Variants in MGAM2 observed in about 807,000 individuals in gnomAD.
MGAM2 encodes the protein maltase-glucoamylase 2 (putative).
A neutral mutation model predicts 96.1 loss-of-function variants in MGAM2; 98 were observed. The observed-to-expected ratio is 1.02, with a 90% confidence interval of 0.87 to 1.21. The LOEUF (loss-of-function observed/expected upper bound fraction) is 1.21, where lower values mean the gene tolerates loss of function less well. Among genes scored for constraint, MGAM2 ranks in the 50% most tolerant of loss-of-function variants. MGAM2 has a pLI of 0.00. For synonymous variants in MGAM2, 749 were observed against 414.8 expected, an observed-to-expected ratio of 1.81 and a Z score of -9.79; for missense variants, 2,055 against 1,182.4, an observed-to-expected ratio of 1.74 and a Z score of -10.82.
chr7:142,134,188 A>G lies in MGAM2; in HGVS notation c.747+36A>G, dbSNP rs1794989568. The G allele has an allele frequency of 5.7e-6, 4 of 706,216 alleles. No homozygotes were observed. The East Asian group carries it at 1.1e-4, about 19-fold the overall frequency. The allele number at this position is 706,216 out of a possible 1,614,324, so 43.7% of individuals were successfully genotyped here. On this transcript the variant is annotated intron_variant, in intron 7 of 47. Transcript: ENST00000477922. ...TTTCCTCCTGAGTATCGCCCACAGT[A>G]AGGGATACCCTCCTTCCTTTCCTAA...
chr7:142,181,935 T>A (rs1398117643), intron 32 of MGAM2, among the ~76,000 whole-genome samples: 1 of 152,142 alleles, frequency 6.6e-6, no homozygotes, highest in Non-Finnish European at 1.5e-5. Flanking sequence ...GACAAGCTAG[T>A]TTTGTCCCAA....
At chr7:142,180,254 A>G (rs1363742337) in intron 32 of MGAM2, among the ~76,000 whole-genome samples, 1 of 151,840 alleles carries the variant, frequency 6.6e-6, no homozygotes, top group Non-Finnish European at 1.5e-5. Flanking sequence ...TTTTTTCTCA[A>G]TCTAGCAGAT....
chr7:142,175,145 C>T (rs1796333261), intron 31 of MGAM2, among the ~76,000 whole-genome samples: 1 of 152,256 alleles, frequency 6.6e-6, no homozygotes, highest in South Asian at 2.1e-4. Context: ...AGCTTTTGCT[C>T]ATTCAGTATG....
At chr7:142,159,429 A>G (rs1247716563) in intron 20 of MGAM2, 86 bp downstream of exon 20, 7 of 681,064 alleles carry the variant, frequency 1.0e-5, no homozygotes, top group African/African-American at 3.5e-5. Flanking sequence ...CTTGCCATAG[A>G]ATAATAGTAC....
intron 1 of MGAM2, among the ~76,000 whole-genome samples, chr7:142,114,843 T>G (rs983233594): frequency 1.3e-5 from 2 of 152,144 alleles, no homozygotes; most frequent in Non-Finnish European, 2.9e-5. Context: ...CATTATTTTT[T>G]GGGTGATATC....
intron 2 of MGAM2, 78 bp from the exon 3 acceptor site, chr7:142,120,224 C>A: frequency 2.9e-6 from 2 of 684,856 alleles, no homozygotes; most frequent in South Asian, 1.5e-5. Context: ...GGCCAAAAGT[C>A]TGTAACTTTG....
Position 142,196,589 on chromosome 7 carries a change from G to T in MGAM2, c.4505G>T (p.Gly1502Val). 1.4e-6 allele frequency: 1 copy of T among 723,496 alleles called. No homozygotes were observed. 44.8% of individuals were successfully genotyped at this position (723,496 alleles called of 1,614,324 possible). A position where few individuals can be genotyped will look rare whatever the true frequency, so the allele number is the denominator to read the frequency against. The change falls in exon 39 of 48, where the codon GGA becomes GTA. Residue 1502 changes from glycine to valine, a missense_variant. Transcript: ENST00000477922. ...IIGMMEFSLFGIPYTGADICG... is the reference protein window; with the variant it reads ...IIGMMEFSLFVIPYTGADICG... ...GGCATGATGGAGTTCAGTCTCTTTG[G>T]AATACCTTATGTAAGTCACATTCAG... is the stretch of plus-strand genomic sequence containing the variant.
At chr7:142,211,513 G>GA (rs1475066432) in intron 46 of MGAM2, among the ~76,000 whole-genome samples, 1 of 152,162 alleles carries the variant, frequency 6.6e-6, no homozygotes, top group Non-Finnish European at 1.5e-5. Flanking sequence ...TGATGGAGCT[G>GA]AAAAATATAG....
At position 142,118,679 on chromosome 7, in the gene MGAM2, T is replaced by G. The variant is rs546921722; in HGVS notation, c.107-1623T>G. ...GGGCCAATAATATCTTCCTGATATGTAGCCTGAGCCCTCTGGTGTCTTTAA... is the reference window on the plus strand; with the variant it reads ...GGGCCAATAATATCTTCCTGATATGGAGCCTGAGCCCTCTGGTGTCTTTAA... On this transcript the variant is annotated intron_variant, in intron 2 of 47. Coordinates refer to ENST00000477922, the MANE Select transcript of MGAM2 (RefSeq NM_001293626.2). Among the ~76,000 whole-genome samples the G allele has an allele frequency of 1.4e-4, 21 of 152,296 alleles. No homozygotes were observed. In the South Asian group the frequency reaches 4.1e-3, roughly 30 times the overall value.
chr7:142,187,665 G>A (rs1017979297), intron 35 of MGAM2, 85 bp from the exon 36 acceptor site: 6 of 649,046 alleles, frequency 9.2e-6, no homozygotes, highest in South Asian at 1.7e-5. Flanking sequence ...GGCTTCAAAA[G>A]TCATCTCCCT....
chr7:142,189,461 C>T lies in MGAM2; in HGVS notation c.4302C>T (p.Asn1434=), dbSNP rs745396351. 3.9e-5 allele frequency: 33 copies of T among 853,580 alleles called. No homozygotes were observed. The highest frequency in any genetic ancestry group is 5.0e-5 in the African/African-American group (3 of 59,858). The allele number at this position is 853,580 out of a possible 1,614,324, so 52.9% of individuals were successfully genotyped here. ...LPDSSPVEHY[N]VHNLYGWSQT... ...ACAGCTCCCCCGTGGAGCACTACAACGTGCACAACCTGTACGGGTGGTCCC... is the reference window on the plus strand; with the variant it reads ...ACAGCTCCCCCGTGGAGCACTACAATGTGCACAACCTGTACGGGTGGTCCC... The change falls in exon 37 of 48, where the codon AAC becomes AAT. Residue 1434 remains asparagine (N), a synonymous_variant. Coordinates refer to ENST00000477922, the MANE Select transcript of MGAM2 (RefSeq NM_001293626.2).
chr7:142,153,156 C>CAT (rs1795634482), intron 15 of MGAM2, among the ~76,000 whole-genome samples: 2 of 152,014 alleles, frequency 1.3e-5, no homozygotes, highest in Non-Finnish European at 2.9e-5. Flanking sequence ...CGCACACCAC[C>CAT]ATGTCCAGCT....
At chr7:142,135,759 C>A (rs1257511359) in intron 7 of MGAM2, among the ~76,000 whole-genome samples, 2 of 151,220 alleles carry the variant, frequency 1.3e-5, no homozygotes, top group African/African-American at 4.9e-5. Flanking sequence ...CACACATTAT[C>A]TCTTCTTAGG....
chr7:142,217,686 A>G, intron 46 of MGAM2, among the ~76,000 whole-genome samples: 1 of 152,208 alleles, frequency 6.6e-6, no homozygotes, highest in East Asian at 1.9e-4. Flanking sequence ...AGCAGGAGTG[A>G]GTTCTTGTGT....
Position 142,210,146 on chromosome 7 carries a change from G to A in MGAM2, c.5187+1524G>A, listed in dbSNP as rs147279541. Among the ~76,000 whole-genome samples, 288 of 152,200 alleles carry A rather than the reference G, an allele frequency of 1.9e-3. 2 individuals carry two copies. Among genetic ancestry groups the A allele is most frequent in the African/African-American group, 6.3e-3 (262 of 41,528 alleles). On this transcript the variant is annotated intron_variant, in intron 46 of 47. Transcript: ENST00000477922. Reference sequence around the variant, plus strand: ...CCCGTAGCCAAAGGAAGCCACGAGGGACAGTGCTATCTGGCCCAGATACTA... The same window carrying A: ...CCCGTAGCCAAAGGAAGCCACGAGGAACAGTGCTATCTGGCCCAGATACTA...
rs1795668190 is a variant in MGAM2, at chr7:142,154,203, C to T, written c.1806+14C>T. On this transcript the variant is annotated intron_variant, in intron 16 of 47. Coordinates refer to ENST00000477922, the MANE Select transcript of MGAM2 (RefSeq NM_001293626.2). ...GGCATCCCCATGGTGAGCCTTATTT[C>T]CAACCAGGGAACTTTAACCCTTTGT... 1 of 578,614 alleles carries T rather than the reference C, an allele frequency of 1.7e-6. No individual in the cohort carries two copies. Among genetic ancestry groups the T allele is most frequent in the African/African-American group, 1.8e-5 (1 of 54,674 alleles). 35.8% of individuals were successfully genotyped at this position (578,614 alleles called of 1,614,324 possible).
At chr7:142,173,143 G>T (rs1796251695) in intron 30 of MGAM2, 86 bp from the exon 31 acceptor site, 1 of 676,964 alleles carries the variant, frequency 1.5e-6, no homozygotes, top group East Asian at 2.7e-5. Flanking sequence ...GTACTTAGCA[G>T]AAACACTCAA....
At chr7:142,111,853 A>C (rs1817181340) in intron 1 of MGAM2, 46 bp downstream of exon 1, 2 of 152,216 alleles carry the variant, frequency 1.3e-5, no homozygotes, top group Admixed American at 1.3e-4. Context: ...CAAGGGCAGG[A>C]AGGTCCCTTT....
chr7:142,198,388 C>G (rs1243377780), intron 43 of MGAM2, among the ~76,000 whole-genome samples, 193 bp downstream of exon 43: 1 of 152,008 alleles, frequency 6.6e-6, no homozygotes, highest in African/African-American at 2.4e-5. Context: ...CATTGAAGCT[C>G]CCCCCTCACC....
Sources: allele counts gnomAD v4.1 joint callset (sites outside exome capture counted in the v4.1 genomes callset), GRCh38; gene constraint gnomAD v4.1.1; transcripts MANE v1.5; gene names NCBI Gene and HGNC (gene_info 2026-07-23, HGNC 2026-07-21).